LCP1: variants seen among roughly 807,000 people sequenced by gnomAD.
The protein encoded by LCP1 is plastin-2.
Under a neutral mutation model 72.0 loss-of-function variants are expected in LCP1, and 23 were observed. The ratio of observed to expected loss-of-function variants is 0.32; its 90% CI spans 0.23 to 0.45. The LOEUF (loss-of-function observed/expected upper bound fraction) is 0.45, where lower values mean the gene tolerates loss of function less well. Ranked by LOEUF, LCP1 falls within the 20% of genes least tolerant of loss-of-function variation. The pLI, the probability that LCP1 is intolerant of heterozygous loss-of-function variation, is 1.00. For synonymous variants in LCP1, 245 were observed against 275.4 expected, an observed-to-expected ratio of 0.89 and a Z score of 1.09; for missense variants, 571 against 748.3, an observed-to-expected ratio of 0.76 and a Z score of 2.76.
chr13:46,147,780 A>G, intron 9 of LCP1, among the ~76,000 whole-genome samples: 1 of 152,178 alleles, frequency 6.6e-6, no homozygotes, highest in East Asian at 1.9e-4. Flanking sequence ...AATATGGCCC[A>G]CTGTCCTTAA....
chr13:46,163,081 C>T (rs2045854095), intron 1 of LCP1, among the ~76,000 whole-genome samples: 1 of 152,028 alleles, frequency 6.6e-6, no homozygotes, highest in Non-Finnish European at 1.5e-5. Flanking sequence ...TGCCCTGCCG[C>T]CCCTTCTGAG....
At position 46,127,053 on chromosome 13, in the gene LCP1, GC is replaced by G. The variant is rs927589429; in HGVS notation, c.*537del. 4 of 230,582 alleles carry G rather than the reference GC, an allele frequency of 1.7e-5. No individual in the cohort carries two copies. The highest frequency in any genetic ancestry group is 6.1e-5 in the East Asian group (1 of 16,272). 14.3% of individuals were successfully genotyped at this position (230,582 alleles called of 1,614,324 possible). A position where few individuals can be genotyped will look rare whatever the true frequency, so the allele number is the denominator to read the frequency against. On this transcript the variant is annotated 3_prime_UTR_variant, in exon 16 of 16. Transcript: ENST00000323076. ...AGACAAGGACGGCCAGAAGAGATGG[GC>G]CCCCCCGGAAGGCATGGTTCCAAAA...
chr13:46,179,203 T>C (rs1038384247), intron 1 of LCP1, among the ~76,000 whole-genome samples: 2 of 152,224 alleles, frequency 1.3e-5, no homozygotes, highest in African/African-American at 4.8e-5. Flanking sequence ...AATGTCTATA[T>C]GATACTTTGA....
At chr13:46,155,071 C>T (rs2045792463) in intron 5 of LCP1, among the ~76,000 whole-genome samples, 185 bp from the exon 6 acceptor site, 2 of 152,218 alleles carry the variant, frequency 1.3e-5, no homozygotes, top group African/African-American at 4.8e-5. Context: ...GTGAATACTA[C>T]TGAAGCCACA....
At chr13:46,138,043 A>ATTC (rs1259725946) in intron 13 of LCP1, among the ~76,000 whole-genome samples, 1 of 152,138 alleles carries the variant, frequency 6.6e-6, no homozygotes, top group East Asian at 1.9e-4. Context: ...TCTGCTTCGG[A>ATTC]TTCTTTGTTC....
intron 7 of LCP1, among the ~76,000 whole-genome samples, chr13:46,152,221 A>C (rs538720069): frequency 6.6e-6 from 1 of 151,226 alleles, no homozygotes; most frequent in South Asian, 2.1e-4. Flanking sequence ...TTTTTGTAGG[A>C]AGAGTGCCTG....
intron 1 of LCP1, among the ~76,000 whole-genome samples, chr13:46,177,447 C>T (rs2045936825): frequency 6.6e-6 from 1 of 152,122 alleles, no homozygotes; most frequent in Admixed American, 6.5e-5. Context: ...CGAGACCGTC[C>T]TGGCTAACAA....
Position 46,152,914 on chromosome 13 carries a change from G to A in LCP1, c.605C>T (p.Ser202Leu). 6.2e-7 allele frequency: 1 copy of A among 1,613,310 alleles called. No individual in the cohort carries two copies. Among genetic ancestry groups the A allele is most frequent in the Non-Finnish European group, 8.5e-7 (1 of 1,179,758 alleles). ...GTTGACCACATGGCACCCGATGGCT[G>A]AGGCAGAGTTCAGAGCCAAGTTCAG... ...ENLNLALNSASAIGCHVVNIG... is the reference protein window; with the variant it reads ...ENLNLALNSALAIGCHVVNIG... Residue 202 changes from serine to leucine, a missense_variant, in exon 7 of 16, where the codon TCA (serine) becomes TTA (leucine). Physicochemically the swap from Ser to Leu is moderately radical, Grantham distance 145 (BLOSUM62 -2). Transcript: ENST00000323076.
intron 10 of LCP1, among the ~76,000 whole-genome samples, chr13:46,144,842 C>A (rs1447196980): frequency 6.6e-6 from 1 of 152,028 alleles, no homozygotes; most frequent in African/African-American, 2.4e-5. Flanking sequence ...ATACAAGCTA[C>A]AGAACTCACT....
chr13:46,139,846 A>G (rs944045602), intron 13 of LCP1, among the ~76,000 whole-genome samples: 13 of 152,212 alleles, frequency 8.5e-5, no homozygotes, highest in Admixed American at 8.5e-4. Context: ...GTTCCAAAAC[A>G]TATCTAAAGT....
chr13:46,152,998 A>G, intron 6 of LCP1, 53 bp from the exon 7 acceptor site: 2 of 1,502,332 alleles, frequency 1.3e-6, no homozygotes, highest in East Asian at 4.6e-5. Flanking sequence ...TAGATGCCAA[A>G]TAATACCGAT....
chr13:46,181,791 C>T (rs2045957233), intron 1 of LCP1, among the ~76,000 whole-genome samples: 2 of 152,144 alleles, frequency 1.3e-5, no homozygotes, highest in African/African-American at 4.8e-5. Flanking sequence ...AAATAGCCTC[C>T]GTGAAATAGA....
At chr13:46,156,312 G>T in intron 5 of LCP1, 126 bp downstream of exon 5, 4 of 1,053,070 alleles carry the variant, frequency 3.8e-6, no homozygotes, top group Non-Finnish European at 4.2e-6. Context: ...CCAAGTGAAA[G>T]TCCAGAAAAG....
At chr13:46,157,034 A>C (rs1379701435) in intron 4 of LCP1, among the ~76,000 whole-genome samples, 1 of 151,678 alleles carries the variant, frequency 6.6e-6, no homozygotes, top group African/African-American at 2.4e-5. Context: ...GTTAGCCAGG[A>C]TGGTCTCGAT....
rs2045600886 is a variant in LCP1 at position 46,126,759 on chromosome 13, T to C, written c.*832A>G. On this transcript the variant is annotated 3_prime_UTR_variant, in exon 16 of 16. Coordinates refer to ENST00000323076, the MANE Select transcript of LCP1 (RefSeq NM_002298.5). The stretch of plus-strand genomic sequence containing the variant: ...ATGCTGCCGCCGAGTGGCTTGATGC[T>C]CCATTACACCCTCCTTGGATCCAAC... 4.3e-6 allele frequency: 1 copy of C among 231,342 alleles called. No individual in the cohort carries two copies. The allele number at this position is 231,342 out of a possible 1,614,324, so 14.3% of individuals were successfully genotyped here.
At chr13:46,164,885 G>A (rs1009120159) in intron 1 of LCP1, among the ~76,000 whole-genome samples, 1 of 152,224 alleles carries the variant, frequency 6.6e-6, no homozygotes, top group Non-Finnish European at 1.5e-5. Flanking sequence ...CCAGGCTGGA[G>A]CTTGTAAATG....
At chr13:46,163,059 G>A (rs1167948160) in intron 1 of LCP1, among the ~76,000 whole-genome samples, 2 of 151,540 alleles carry the variant, frequency 1.3e-5, no homozygotes, top group Non-Finnish European at 2.9e-5. Flanking sequence ...GGAGGGAGGT[G>A]GGGGGCGCCT....
At chr13:46,135,618 C>A (rs1395650734) in intron 13 of LCP1, among the ~76,000 whole-genome samples, 2 of 152,156 alleles carry the variant, frequency 1.3e-5, no homozygotes, top group African/African-American at 4.8e-5. Flanking sequence ...TCAAAATTCA[C>A]ATTTAAACTG....
intron 2 of LCP1, 67 bp from the exon 3 acceptor site, chr13:46,159,056 A>C (rs971564792): frequency 1.2e-5 from 17 of 1,462,482 alleles, no homozygotes; most frequent in Non-Finnish European, 1.5e-5. Flanking sequence ...GAGGTGAGGG[A>C]AGACTAGATG....
Sources: allele counts gnomAD v4.1 joint callset (sites outside exome capture counted in the v4.1 genomes callset), GRCh38; gene constraint gnomAD v4.1.1; transcripts MANE v1.5; gene names NCBI Gene and HGNC (gene_info 2026-07-23, HGNC 2026-07-21).